Variants in CSMD1 observed in about 807,000 individuals in gnomAD.
The protein encoded by CSMD1 is CUB and sushi domain-containing protein 1.
In CSMD1, 213 loss-of-function variants were observed where a neutral mutation model predicts 417.5. The observed-to-expected ratio is 0.51, with a 90% CI of 0.46 to 0.57. CSMD1 has a LOEUF of 0.57. CSMD1 is among the 20% of genes least tolerant of loss of function. The pLI is 0.00. For synonymous variants in CSMD1, 2,862 were observed against 1,736.8 expected, an observed-to-expected ratio of 1.65 and a Z score of -16.11; for missense variants, 6,923 against 4,529.7, an observed-to-expected ratio of 1.53 and a Z score of -15.17.
At chr8:3,024,920 T>C (rs1445822597) in intron 51 of CSMD1, among the ~76,000 whole-genome samples, 1 of 152,256 alleles carries the variant, frequency 6.6e-6, no homozygotes, top group Non-Finnish European at 1.5e-5. Flanking sequence ...CTGCTTTGTG[T>C]ACTGCCTGCC....
chr8:4,531,529 G>T (rs535130533), intron 2 of CSMD1, among the ~76,000 whole-genome samples: 2 of 152,098 alleles, frequency 1.3e-5, no homozygotes, highest in Admixed American at 6.5e-5. Context: ...CCCCCAGAAG[G>T]TTGGAAGGAA....
chr8:4,462,202 T>C (rs1356501751), intron 2 of CSMD1, among the ~76,000 whole-genome samples: 1 of 152,106 alleles, frequency 6.6e-6, no homozygotes, highest in Non-Finnish European at 1.5e-5. Flanking sequence ...TTATCCACAA[T>C]AGTAATAAGC....
intron 3 of CSMD1, among the ~76,000 whole-genome samples, chr8:4,332,486 G>C (rs1187503634): frequency 4.0e-5 from 6 of 151,388 alleles, no homozygotes; most frequent in Admixed American, 1.3e-4. Flanking sequence ...GCACCTCACA[G>C]ATAGGAGCTC....
intron 3 of CSMD1, among the ~76,000 whole-genome samples, chr8:4,080,294 A>G (rs1448549492): frequency 6.6e-6 from 1 of 152,194 alleles, no homozygotes. Flanking sequence ...CCACGGTTAC[A>G]GTGTACCTAA....
intron 3 of CSMD1, among the ~76,000 whole-genome samples, chr8:4,098,971 A>C (rs745920579): frequency 2.9e-4 from 44 of 152,320 alleles, no homozygotes; most frequent in Admixed American, 6.5e-4. Context: ...ATTTTCAAAG[A>C]GGTAAGAATA....
chr8:3,551,594 ATATTT>A (rs1481496174), intron 10 of CSMD1, among the ~76,000 whole-genome samples: 9 of 103,742 alleles, frequency 8.7e-5, no homozygotes, highest in African/African-American at 3.7e-4. Flanking sequence ...ATATATATAT[ATATTT>A]TTTTTTTTTT....
intron 2 of CSMD1, among the ~76,000 whole-genome samples, chr8:4,636,462 G>T (rs1406013087): frequency 1.3e-5 from 2 of 152,126 alleles, no homozygotes; most frequent in Non-Finnish European, 2.9e-5. Context: ...CCTGAATGTT[G>T]TTCCCTCACC....
intron 1 of CSMD1, among the ~76,000 whole-genome samples, chr8:4,941,105 T>G (rs898043858): frequency 6.6e-6 from 1 of 152,190 alleles, no homozygotes; most frequent in East Asian, 1.9e-4. Flanking sequence ...AATTTTGGAG[T>G]TTGTCTTTCG....
chr8:4,248,620 C>T (rs140096515), intron 3 of CSMD1, among the ~76,000 whole-genome samples: 2 of 152,120 alleles, frequency 1.3e-5, no homozygotes, highest in Admixed American at 6.5e-5. Context: ...TCGAAAAGAC[C>T]TTTTCTGATC....
chr8:4,636,304 G>C (rs543577335), intron 2 of CSMD1, among the ~76,000 whole-genome samples: 1 of 152,088 alleles, frequency 6.6e-6, no homozygotes, highest in Admixed American at 6.5e-5. Flanking sequence ...TTTTCTTGTT[G>C]ACAATTGAAA....
At chr8:3,498,979 G>A (rs908422837) in intron 10 of CSMD1, among the ~76,000 whole-genome samples, 3 of 151,976 alleles carry the variant, frequency 2.0e-5, no homozygotes, top group African/African-American at 7.3e-5. Flanking sequence ...AAATCATATA[G>A]GCATTTTGTA....
At chr8:4,981,859 G>A (rs1401698664) in intron 1 of CSMD1, among the ~76,000 whole-genome samples, 1 of 152,052 alleles carries the variant, frequency 6.6e-6, no homozygotes, top group African/African-American at 2.4e-5. Context: ...TGGAATTGTA[G>A]CACTCAACTG....
intron 1 of CSMD1, among the ~76,000 whole-genome samples, chr8:4,678,141 T>C (rs1445360862): frequency 6.6e-6 from 1 of 152,164 alleles, no homozygotes; most frequent in East Asian, 1.9e-4. Context: ...TCTTTTTTTT[T>C]TGGCCACTTC....
chr8:3,861,843 C>A (rs372479650), intron 5 of CSMD1, among the ~76,000 whole-genome samples: 1 of 152,176 alleles, frequency 6.6e-6, no homozygotes, highest in Non-Finnish European at 1.5e-5. Context: ...AAGCCACTGG[C>A]TTTTAAATGT....
intron 49 of CSMD1, among the ~76,000 whole-genome samples, chr8:3,073,867 T>C (rs1359650857): frequency 6.6e-6 from 1 of 152,194 alleles, no homozygotes; most frequent in Non-Finnish European, 1.5e-5. Flanking sequence ...ATTTTTTTTG[T>C]TTCATTTTGA....
At chr8:4,001,597 C>G (rs997423709) in intron 4 of CSMD1, among the ~76,000 whole-genome samples, 11 of 152,162 alleles carry the variant, frequency 7.2e-5, no homozygotes, top group Admixed American at 2.0e-4. Context: ...GCTGGATAAA[C>G]TGCAATGTTA....
chr8:3,370,886 A>C (rs1809902861), intron 18 of CSMD1, among the ~76,000 whole-genome samples: 1 of 152,102 alleles, frequency 6.6e-6, no homozygotes, highest in Non-Finnish European at 1.5e-5. Context: ...TGAGGAAGGA[A>C]AATCACTTAA....
intron 10 of CSMD1, among the ~76,000 whole-genome samples, chr8:3,504,370 C>T (rs760386139): frequency 3.9e-5 from 6 of 152,088 alleles, no homozygotes; most frequent in Non-Finnish European, 7.4e-5. Context: ...CTGTCTTATC[C>T]GTAAAATGAG....
At chr8:4,342,760 A>G (rs915858878) in intron 3 of CSMD1, among the ~76,000 whole-genome samples, 2 of 152,102 alleles carry the variant, frequency 1.3e-5, no homozygotes, top group Admixed American at 6.6e-5. Context: ...AGACGTGTTA[A>G]AAAGAAAAAT....
Sources: gnomAD v4.1 joint callset for allele counts (sites outside exome capture counted in the v4.1 genomes callset) on GRCh38, gnomAD v4.1.1 for gene constraint, MANE v1.5 for transcripts, NCBI Gene and HGNC (gene_info 2026-07-23, HGNC 2026-07-21) for gene names.